ZNF366: variants seen among roughly 807,000 people sequenced by gnomAD.
ZNF366 encodes zinc finger protein 366, also known as dendritic cell-specific transcript protein.
In ZNF366, 20 loss-of-function variants were observed where a neutral mutation model predicts 47.2. That is an observed-to-expected ratio of 0.42 (90% CI 0.30 to 0.62). ZNF366 has a LOEUF of 0.62. Among genes scored for constraint, ZNF366 ranks in the 20% least tolerant of loss-of-function variants. ZNF366 has a pLI of 0.16. For missense variants in ZNF366, 987 were observed against 976.3 expected, an observed-to-expected ratio of 1.01 and a Z score of -0.15; for synonymous variants, 421 against 395.1, an observed-to-expected ratio of 1.07 and a Z score of -0.78.
intron 1 of ZNF366, among the ~76,000 whole-genome samples, chr5:72,494,011 T>A (rs906793874): frequency 6.6e-6 from 1 of 150,864 alleles, no homozygotes; most frequent in Non-Finnish European, 1.5e-5. Flanking sequence ...GACCTTATGA[T>A]CTGCCCACCT....
intron 1 of ZNF366, among the ~76,000 whole-genome samples, chr5:72,476,821 C>T (rs961774963): frequency 8.5e-5 from 13 of 152,166 alleles, no homozygotes; most frequent in East Asian, 1.9e-4. Context: ...GTTGGAGATA[C>T]GGCTACCACC....
At position 72,447,381 on chromosome 5, in the gene ZNF366, T is replaced by A. The variant is rs555104690; in HGVS notation, c.1561A>T (p.Met521Leu). The change falls in exon 4 of 5, where the codon ATG becomes TTG. Residue 521 changes from methionine (M) to leucine (L), a missense_variant. By Grantham distance (15) the Met-to-Leu change is conservative. Coordinates refer to ENST00000318442, the MANE Select transcript of ZNF366 (RefSeq NM_152625.3). ...GKEFNRMHNL[M>L]GHMHLHSDSK... ...TCTGAGTGCAGGTGCATGTGGCCCA[T>A]CAGGTTGTGCATCCGGTTGAATTCC... 5.0e-6 allele frequency: 8 copies of A among 1,614,058 alleles called. No homozygotes were observed. The highest frequency in any genetic ancestry group is 4.2e-6 in the Non-Finnish European group (5 of 1,180,036).
At chr5:72,475,673 T>C (rs141143051) in intron 1 of ZNF366, among the ~76,000 whole-genome samples, 38 of 152,252 alleles carry the variant, frequency 2.5e-4, no homozygotes, top group African/African-American at 8.9e-4. Flanking sequence ...GGATATCATG[T>C]TGGAGTGAGG....
chr5:72,444,277 T>TC lies in ZNF366; in HGVS notation c.1713dup (p.Arg572GlufsTer21), dbSNP rs1383808034. On this transcript the variant is annotated frameshift_variant, in exon 5 of 5. Transcript: ENST00000318442. LOFTEE classifies it low-confidence loss of function (END_TRUNC). ...CCGGCTGTCTGTGCCAGGGCGATTCTCCCCCTTCCCAGACCTGCAAGAGCA... is the reference window on the plus strand; with the variant it reads ...CCGGCTGTCTGTGCCAGGGCGATTCTCCCCCCTTCCCAGACCTGCAAGAGCA... 6 of 1,610,142 alleles carry TC rather than the reference T, an allele frequency of 3.7e-6. No individual in the cohort carries two copies. In the South Asian group the frequency reaches 6.6e-5, roughly 18 times the overall value.
chr5:72,473,759 A>G (rs1026909023), intron 1 of ZNF366, among the ~76,000 whole-genome samples: 1 of 151,974 alleles, frequency 6.6e-6, no homozygotes, highest in Non-Finnish European at 1.5e-5. Context: ...TTCCCCCTAT[A>G]TTGCACTCTG....
intron 1 of ZNF366, among the ~76,000 whole-genome samples, chr5:72,474,138 T>A (rs1174736666): frequency 1.3e-5 from 2 of 152,250 alleles, no homozygotes; most frequent in Non-Finnish European, 2.9e-5. Context: ...TTGCACATTG[T>A]TTAAAGAGCA....
Position 72,455,508 on chromosome 5 carries a change from C to T in ZNF366, c.1524+896G>A, listed in dbSNP as rs76919753. ...CTTCCCCCTCAGCCTTCTTCATGAC[C>T]GGATGACACTTGGCCAGTACATCAC... On this transcript the variant is annotated intron_variant, in intron 3 of 4. Coordinates refer to ENST00000318442, the MANE Select transcript of ZNF366 (RefSeq NM_152625.3). 3.8e-4 allele frequency among the ~76,000 whole-genome samples: 58 copies of T among 152,270 alleles called. 1 individual carries two copies. In the East Asian group the frequency reaches 5.0e-3, roughly 13 times the overall value.
At chr5:72,452,233 G>A (rs1743088640) in intron 3 of ZNF366, among the ~76,000 whole-genome samples, 1 of 152,210 alleles carries the variant, frequency 6.6e-6, no homozygotes, top group South Asian at 2.1e-4. Context: ...TTAATAAGAA[G>A]GGTGTTCCTT....
intron 1 of ZNF366, chr5:72,493,554 G>T (rs1362704931): frequency 1.3e-5 from 2 of 152,096 alleles, no homozygotes; most frequent in Non-Finnish European, 2.9e-5. Flanking sequence ...AATGTTCTTT[G>T]CTGTCAGAAG....
At chr5:72,498,849 T>A (rs1744159162) in intron 1 of ZNF366, among the ~76,000 whole-genome samples, 1 of 152,206 alleles carries the variant, frequency 6.6e-6, no homozygotes, top group African/African-American at 2.4e-5. Flanking sequence ...AAAATATCCA[T>A]ATTGCTTGAA....
intron 1 of ZNF366, among the ~76,000 whole-genome samples, chr5:72,479,055 G>A (rs1281986549): frequency 2.6e-5 from 4 of 152,224 alleles, no homozygotes; most frequent in East Asian, 3.8e-4. Context: ...CTGAGGATGA[G>A]TGTAAATCCA....
At chr5:72,474,314 T>C (rs112267893) in intron 1 of ZNF366, among the ~76,000 whole-genome samples, 4 of 152,240 alleles carry the variant, frequency 2.6e-5, no homozygotes, top group African/African-American at 9.6e-5. Flanking sequence ...TAAGCCATCC[T>C]GAAAGTCTCC....
intron 2 of ZNF366, among the ~76,000 whole-genome samples, chr5:72,457,784 G>A (rs980330678): frequency 6.6e-6 from 1 of 152,040 alleles, no homozygotes; most frequent in African/African-American, 2.4e-5. Flanking sequence ...TGAGAACCCT[G>A]GGGTTCTTTC....
At chr5:72,494,571 A>C (rs930942839) in intron 1 of ZNF366, among the ~76,000 whole-genome samples, 1 of 151,692 alleles carries the variant, frequency 6.6e-6, no homozygotes, top group Admixed American at 6.6e-5. Context: ...TTATACACAC[A>C]GGGGAAATTC....
At chr5:72,452,270 G>A (rs933131253) in intron 3 of ZNF366, among the ~76,000 whole-genome samples, 15 of 152,190 alleles carry the variant, frequency 9.9e-5, no homozygotes, top group Non-Finnish European at 2.2e-4. Flanking sequence ...GAGGGAGGGA[G>A]GGAGAGAGAG....
At chr5:72,453,709 G>C (rs1293176348) in intron 3 of ZNF366, among the ~76,000 whole-genome samples, 1 of 152,204 alleles carries the variant, frequency 6.6e-6, no homozygotes, top group Admixed American at 6.5e-5. Flanking sequence ...GGTACAAAGA[G>C]GGCACCCAGC....
rs750236144 is a variant in ZNF366, at chr5:72,461,400, C to A, written c.97G>T (p.Ala33Ser). The change falls in exon 2 of 5, where the codon GCT (alanine) becomes TCT (serine). Residue 33 changes from alanine to serine, a missense_variant. Ala to Ser is a moderately conservative substitution (Grantham distance 99). This residue lies in a region of ZNF366 where 591 missense variants were observed against 560.9 expected (regional missense o/e 1.05). Coordinates refer to ENST00000318442, the MANE Select transcript of ZNF366 (RefSeq NM_152625.3). ...CTTTGGGGAGCCTTTCCCCGAGAAG[C>A]CACTGGCTGCAGGCAGTGGGGAAAG... ...PSFPHCLQPV[A>S]SRGKAPQRHP... 2 of 1,613,688 alleles carry A rather than the reference C, an allele frequency of 1.2e-6. No individual in the cohort carries two copies. The highest frequency in any genetic ancestry group is 1.1e-5 in the South Asian group (1 of 91,072).
intron 1 of ZNF366, among the ~76,000 whole-genome samples, chr5:72,476,925 G>A (rs1410124982): frequency 6.6e-6 from 1 of 152,158 alleles, no homozygotes; most frequent in South Asian, 2.1e-4. Context: ...TGAAAGGTCG[G>A]GCTGTGGGAT....
At chr5:72,474,763 A>G (rs560701789) in intron 1 of ZNF366, among the ~76,000 whole-genome samples, 1 of 152,236 alleles carries the variant, frequency 6.6e-6, no homozygotes, top group East Asian at 1.9e-4. Context: ...TTCCCTTCAA[A>G]GATATAGTTC....
Sources: gnomAD v4.1 joint callset for allele counts (sites outside exome capture counted in the v4.1 genomes callset) on GRCh38, gnomAD v4.1.1 for gene constraint, gnomAD v4.1.1 regional missense constraint, MANE v1.5 for transcripts, NCBI Gene and HGNC (gene_info 2026-07-23, HGNC 2026-07-21) for gene names.